Variants in PKIG observed in about 807,000 individuals in gnomAD.
PKIG encodes cAMP-dependent protein kinase inhibitor gamma, also known as protein kinase (cAMP-dependent, catalytic) inhibitor gamma.
In PKIG, 1 loss-of-function variant was observed where a neutral mutation model predicts 6.8. That is an observed-to-expected ratio of 0.15 (90% CI 0.05 to 0.69). The LOEUF is 0.69. Ranked by LOEUF, PKIG falls within the 30% of genes least tolerant of loss-of-function variation. The probability of loss-of-function intolerance (pLI) is 0.82; values close to 1 mark genes in which losing one functional copy is unlikely to be tolerated. For missense variants in PKIG, 77 were observed against 104.0 expected (o/e 0.74, Z 1.13); for synonymous variants, 39 against 43.0 (o/e 0.91, Z 0.36).
At chr20:44,604,967 A>G (rs980201696) in intron 2 of PKIG, among the ~76,000 whole-genome samples, 1 of 152,222 alleles carries the variant, frequency 6.6e-6, no homozygotes, top group African/African-American at 2.4e-5. Flanking sequence ...TTAAATGACT[A>G]TTAAGTTTAT....
intron 3 of PKIG, among the ~76,000 whole-genome samples, chr20:44,616,488 G>C (rs7266968): frequency 1.3e-5 from 2 of 152,178 alleles, no homozygotes; most frequent in African/African-American, 4.8e-5. Context: ...CTCAGCTCTG[G>C]TGAGCTCTGT....
At chr20:44,607,810 G>A (rs1418007348) in intron 2 of PKIG, among the ~76,000 whole-genome samples, 1 of 150,618 alleles carries the variant, frequency 6.6e-6, no homozygotes, top group East Asian at 2.0e-4. Context: ...TCAGCCTCCC[G>A]AGTAGCTGGG....
chr20:44,535,549 G>T (rs959409061), intron 1 of PKIG, among the ~76,000 whole-genome samples: 1 of 152,170 alleles, frequency 6.6e-6, no homozygotes, highest in Non-Finnish European at 1.5e-5. Flanking sequence ...ACTGAGGCAG[G>T]AGATTCTCTT....
chr20:44,612,476 C>T (rs1297407489), intron 2 of PKIG, among the ~76,000 whole-genome samples: 3 of 152,076 alleles, frequency 2.0e-5, no homozygotes, highest in East Asian at 1.9e-4. Context: ...TTCAGGTCTG[C>T]GAGGTAGCCA....
intron 1 of PKIG, among the ~76,000 whole-genome samples, chr20:44,563,358 T>C (rs1007500322): frequency 4.6e-5 from 7 of 151,808 alleles, no homozygotes; most frequent in African/African-American, 1.7e-4. Flanking sequence ...CAAAGTTTTG[T>C]GGCTTAGAAC....
intron 2 of PKIG, among the ~76,000 whole-genome samples, chr20:44,602,303 C>G (rs1028879437): frequency 6.6e-6 from 1 of 152,198 alleles, no homozygotes; most frequent in African/African-American, 2.4e-5. Context: ...CTCAGAGAGG[C>G]CTTTCCTGAT....
At position 44,614,814 on chromosome 20, in the gene PKIG, C is replaced by G. The variant is rs1317371639; in HGVS notation, c.151+107C>G. The G allele has an allele frequency of 4.3e-6, 5 of 1,175,796 alleles. No homozygotes were observed. In the African/African-American group the frequency reaches 7.6e-5, roughly 18 times the overall value. 72.8% of individuals were successfully genotyped at this position (1,175,796 alleles called of 1,614,324 possible). On this transcript the variant is annotated intron_variant, in intron 3 of 3. Transcript: ENST00000372886. The surrounding 1 kb of genome is among the most constrained non-coding windows in gnomAD (Gnocchi z 4.6). ...GCCCATACTTTCTTAGAGAAGAAAC[C>G]ACATTTAAGTCAGGCCTGCCCCATG...
chr20:44,600,624 T>C (rs1231373621), intron 2 of PKIG, among the ~76,000 whole-genome samples: 2 of 151,466 alleles, frequency 1.3e-5, no homozygotes, highest in Non-Finnish European at 2.9e-5. Flanking sequence ...GGTGGGAGGA[T>C]TGCTTGAGGC....
intron 1 of PKIG, among the ~76,000 whole-genome samples, chr20:44,539,472 C>T (rs541748896): frequency 6.7e-6 from 1 of 150,112 alleles, no homozygotes. Flanking sequence ...CAGGCTGGAG[C>T]GCAGTGGCGT....
intron 1 of PKIG, among the ~76,000 whole-genome samples, chr20:44,561,046 C>G (rs1028142986): frequency 6.6e-6 from 1 of 152,170 alleles, no homozygotes; most frequent in Non-Finnish European, 1.5e-5. Context: ...AAGATAAAAA[C>G]GTCACAATGG....
intron 3 of PKIG, among the ~76,000 whole-genome samples, chr20:44,616,591 A>G (rs2065267048): frequency 2.6e-5 from 4 of 152,088 alleles, no homozygotes. Flanking sequence ...TCCCTAAAGT[A>G]TGGGTCCTCT....
At position 44,614,407 on chromosome 20, in the gene PKIG, G is replaced by T; in HGVS notation, c.-23-127G>T. Reference sequence around the variant, plus strand: ...TTCTTTGTACTTTTCTGTGCTTTTTGCTTTGTTTTCAATAAGAGGCAATAA... The same window carrying T: ...TTCTTTGTACTTTTCTGTGCTTTTTTCTTTGTTTTCAATAAGAGGCAATAA... On this transcript the variant is annotated intron_variant, in intron 2 of 3. Transcript: ENST00000372886. The surrounding 1 kb of genome is among the most constrained non-coding windows in gnomAD (Gnocchi z 4.6). 2 of 666,896 alleles carry T rather than the reference G, an allele frequency of 3.0e-6. No homozygotes were observed. The highest frequency in any genetic ancestry group is 5.3e-5 in the Admixed American group (2 of 37,880). The allele number at this position is 666,896 out of a possible 1,614,324, so 41.3% of individuals were successfully genotyped here.
intron 1 of PKIG, among the ~76,000 whole-genome samples, chr20:44,560,094 A>T (rs1167277520): frequency 1.3e-5 from 2 of 151,688 alleles, no homozygotes; most frequent in African/African-American, 4.8e-5. Context: ...GGAAAGAAAA[A>T]AGAAAATTAG....
At chr20:44,549,211 T>C (rs2064645428) in intron 1 of PKIG, among the ~76,000 whole-genome samples, 1 of 152,218 alleles carries the variant, frequency 6.6e-6, no homozygotes, top group Non-Finnish European at 1.5e-5. Flanking sequence ...CTTGTACTTT[T>C]ATAGACTTAC....
At chr20:44,565,902 A>G (rs923742214) in intron 1 of PKIG, among the ~76,000 whole-genome samples, 12 of 152,152 alleles carry the variant, frequency 7.9e-5, no homozygotes, top group African/African-American at 2.9e-4. Flanking sequence ...AGCTGGGATT[A>G]TAGGCACCCG....
intron 1 of PKIG, among the ~76,000 whole-genome samples, chr20:44,557,692 C>T (rs567107858): frequency 1.3e-5 from 2 of 150,972 alleles, no homozygotes; most frequent in African/African-American, 4.9e-5. Context: ...GCCGTGGTGG[C>T]GGGCACCTGT....
intron 2 of PKIG, among the ~76,000 whole-genome samples, chr20:44,595,469 C>G (rs933279322): frequency 7.9e-5 from 12 of 152,222 alleles, no homozygotes; most frequent in African/African-American, 2.9e-4. Context: ...ACAATTATAA[C>G]TATAAATGTA....
At chr20:44,617,040 C>T (rs534913628) in intron 3 of PKIG, among the ~76,000 whole-genome samples, 50 of 152,260 alleles carry the variant, frequency 3.3e-4, no homozygotes, top group African/African-American at 1.2e-3. Context: ...GGCTCTCCAC[C>T]CTTGATCCAG....
intron 1 of PKIG, among the ~76,000 whole-genome samples, chr20:44,535,563 C>T (rs868049950): frequency 3.9e-5 from 6 of 152,262 alleles, no homozygotes; most frequent in Non-Finnish European, 8.8e-5. Flanking sequence ...TTCTCTTCAA[C>T]CTGGGAGGCA....
Sources: allele counts gnomAD v4.1 joint callset (sites outside exome capture counted in the v4.1 genomes callset), GRCh38; gene constraint gnomAD v4.1.1; non-coding constraint Gnocchi (gnomAD v3.1); transcripts MANE v1.5; gene names NCBI Gene and HGNC (gene_info 2026-07-23, HGNC 2026-07-21).